The following ARHGAP24 variants were observed in gnomAD, a reference collection of about 807,000 sequenced individuals.
The protein encoded by ARHGAP24 is rho GTPase-activating protein 24.
In ARHGAP24, 50 loss-of-function variants were observed where a neutral mutation model predicts 76.4. The ratio of observed to expected loss-of-function variants is 0.65; its 90% CI spans 0.52 to 0.83. The LOEUF (loss-of-function observed/expected upper bound fraction) is 0.83. Among genes scored for constraint, ARHGAP24 ranks in the 40% least tolerant of loss-of-function variants. The pLI is 0.00. For missense variants in ARHGAP24, 930 were observed against 914.2 expected (o/e 1.02, Z -0.22); for synonymous variants, 345 against 323.3 (o/e 1.07, Z -0.72).
Position 85,972,079 on chromosome 4 carries a change from C to A in ARHGAP24, c.643C>A (p.Leu215Ile), listed in dbSNP as rs752915140. 18 of 1,614,024 alleles carry A rather than the reference C, an allele frequency of 1.1e-5. No homozygotes were observed. In the East Asian group the frequency reaches 3.6e-4, roughly 32 times the overall value. ...HTVASLLKLY[L>I]RELPEPVIPY... ...GGTGGCATCACTTCTTAAGCTGTAC[C>A]TCCGAGAACTTCCAGAACCAGTTAT... The change falls in exon 6 of 10, where the codon CTC becomes ATC. Residue 215 changes from leucine to isoleucine, a missense_variant. Transcript: ENST00000395184.
chr4:85,546,804 C>T (rs972964926), intron 1 of ARHGAP24, among the ~76,000 whole-genome samples: 1 of 152,170 alleles, frequency 6.6e-6, no homozygotes, highest in Admixed American at 6.5e-5. Context: ...TTTTCACATA[C>T]TTTTGCACTT....
chr4:85,725,818 G>A (rs554552674), intron 3 of ARHGAP24, among the ~76,000 whole-genome samples: 1 of 152,172 alleles, frequency 6.6e-6, no homozygotes, highest in African/African-American at 2.4e-5. Flanking sequence ...CAACGTAAGG[G>A]AAATGCAGGC....
chr4:85,999,460 G>A (rs921869906), intron 9 of ARHGAP24, among the ~76,000 whole-genome samples: 4 of 152,098 alleles, frequency 2.6e-5, no homozygotes, highest in African/African-American at 9.7e-5. Flanking sequence ...ATTTTTCAAA[G>A]CAGAAACATA....
intron 3 of ARHGAP24, among the ~76,000 whole-genome samples, chr4:85,914,886 A>C (rs940023620): frequency 6.6e-6 from 1 of 152,198 alleles, no homozygotes; most frequent in Non-Finnish European, 1.5e-5. Flanking sequence ...TGGTGGAGGA[A>C]CACTGATCTG....
At position 85,853,147 on chromosome 4, in the gene ARHGAP24, G is replaced by A. The variant is rs566130599; in HGVS notation, c.269-70501G>A. ...GGGCTCTGCCAAGTTCGAGCTTCCT[G>A]GCTGCTTTGTTTACCTACTTAAGCC... On this transcript the variant is annotated intron_variant, in intron 3 of 9. Coordinates refer to ENST00000395184, the MANE Select transcript of ARHGAP24 (RefSeq NM_001025616.3). Among the ~76,000 whole-genome samples, 376 of 152,290 alleles carry A rather than the reference G, an allele frequency of 2.5e-3. 1 individual carries two copies. Among genetic ancestry groups the A allele is most frequent in the African/African-American group, 8.6e-3 (357 of 41,580 alleles).
At chr4:85,662,487 A>G (rs369270357) in intron 2 of ARHGAP24, among the ~76,000 whole-genome samples, 1 of 151,150 alleles carries the variant, frequency 6.6e-6, no homozygotes, top group African/African-American at 2.5e-5. Context: ...CTCTGATGGT[A>G]GTTTCTTTTG....
intron 9 of ARHGAP24, 105 bp from the exon 10 acceptor site, chr4:86,000,374 G>C: frequency 1.1e-6 from 1 of 894,628 alleles, no homozygotes; most frequent in Middle Eastern, 2.3e-4. Context: ...GCATCATAAA[G>C]AGTTTAGAAA....
intron 2 of ARHGAP24, among the ~76,000 whole-genome samples, chr4:85,594,975 C>T (rs1317892868): frequency 2.3e-5 from 1 of 43,516 alleles, no homozygotes; most frequent in African/African-American, 8.3e-5. Context: ...ATCCTATTCA[C>T]TTTCTCCTCT....
At chr4:85,971,130 C>G (rs6821120) in intron 5 of ARHGAP24, among the ~76,000 whole-genome samples, 31,865 of 152,098 alleles carry the variant, frequency 0.21, 3,600 homozygotes, top group South Asian at 0.39. Context: ...GAATATTAGA[C>G]AAGCAATTAT....
chr4:85,684,080 C>T (rs57107916), intron 2 of ARHGAP24, among the ~76,000 whole-genome samples: 1,593 of 152,252 alleles, frequency 0.01, 25 homozygotes, highest in African/African-American at 0.036. Flanking sequence ...CATATTGCTT[C>T]AAGATTCTAC....
intron 1 of ARHGAP24, among the ~76,000 whole-genome samples, chr4:85,533,784 T>G (rs1259951937): frequency 1.3e-5 from 2 of 152,182 alleles, no homozygotes; most frequent in African/African-American, 4.8e-5. Flanking sequence ...AATTATCAAA[T>G]TTGTATACAT....
At chr4:85,678,877 G>A (rs1435953295) in intron 2 of ARHGAP24, among the ~76,000 whole-genome samples, 1 of 152,162 alleles carries the variant, frequency 6.6e-6, no homozygotes. Context: ...ATCCAGAGAG[G>A]TGTCCGATGC....
chr4:85,543,460 C>A (rs1008564854), intron 1 of ARHGAP24, among the ~76,000 whole-genome samples: 1 of 151,938 alleles, frequency 6.6e-6, no homozygotes, highest in South Asian at 2.1e-4. Flanking sequence ...GTTGTGGGAG[C>A]GGGAAGAATG....
chr4:85,548,192 C>T (rs770658096), intron 1 of ARHGAP24, among the ~76,000 whole-genome samples: 19 of 152,174 alleles, frequency 1.2e-4, no homozygotes, highest in Non-Finnish European at 2.5e-4. Flanking sequence ...CTTTCTGGCA[C>T]ATGTTATTCT....
At chr4:85,905,605 G>A (rs1032896882) in intron 3 of ARHGAP24, among the ~76,000 whole-genome samples, 1 of 152,138 alleles carries the variant, frequency 6.6e-6, no homozygotes, top group Non-Finnish European at 1.5e-5. Context: ...CACAAGTTCT[G>A]TGTGGAAAGA....
chr4:85,536,098 T>C (rs1237243835), intron 1 of ARHGAP24, among the ~76,000 whole-genome samples: 1 of 152,060 alleles, frequency 6.6e-6, no homozygotes, highest in Non-Finnish European at 1.5e-5. Flanking sequence ...TGTCAGACAC[T>C]GTTTCAGTTG....
At chr4:85,535,336 C>T (rs566210913) in intron 1 of ARHGAP24, among the ~76,000 whole-genome samples, 1 of 152,240 alleles carries the variant, frequency 6.6e-6, no homozygotes, top group South Asian at 2.1e-4. Flanking sequence ...ACACATTCAA[C>T]TGGATAACAT....
chr4:85,755,927 T>C (rs1344286076), intron 3 of ARHGAP24, among the ~76,000 whole-genome samples: 9 of 152,114 alleles, frequency 5.9e-5, no homozygotes, highest in Non-Finnish European at 1.2e-4. Flanking sequence ...GCCACCGCGC[T>C]AGGCCTGGAA....
chr4:85,555,154 T>C (rs571558978), intron 1 of ARHGAP24, among the ~76,000 whole-genome samples: 1 of 152,366 alleles, frequency 6.6e-6, no homozygotes, highest in Admixed American at 6.5e-5. Context: ...GGTTAAGAAT[T>C]CCTGCTGTGA....
Sources: gnomAD v4.1 joint callset for allele counts (sites outside exome capture counted in the v4.1 genomes callset) on GRCh38, gnomAD v4.1.1 for gene constraint, MANE v1.5 for transcripts, NCBI Gene and HGNC (gene_info 2026-07-23, HGNC 2026-07-21) for gene names.